The following LUC7L2 variants were observed in gnomAD, a reference collection of about 807,000 sequenced individuals.
LUC7L2 encodes putative RNA-binding protein Luc7-like 2.
Under a neutral mutation model 52.8 loss-of-function variants are expected in LUC7L2, and 25 were observed. The observed-to-expected ratio is 0.47, with a 90% CI of 0.34 to 0.66. The LOEUF (loss-of-function observed/expected upper bound fraction) is 0.66. Ranked by LOEUF, LUC7L2 falls within the 30% of genes least tolerant of loss-of-function variation. The pLI is 0.01. For synonymous variants in LUC7L2, 144 were observed against 160.9 expected, an observed-to-expected ratio of 0.89 and a Z score of 0.80; for missense variants, 328 against 497.8, an observed-to-expected ratio of 0.66 and a Z score of 3.25.
intron 9 of LUC7L2, among the ~76,000 whole-genome samples, chr7:139,419,933 T>C (rs1183619879): frequency 1.3e-5 from 2 of 152,252 alleles, no homozygotes; most frequent in African/African-American, 4.8e-5. Flanking sequence ...CTACTTGGTA[T>C]TTCATACAAC....
In LUC7L2 at chr7:139,422,282, C is replaced by T. The variant is rs1429749678; in HGVS notation, c.1121C>T (p.Ala374Val). 1.2e-6 allele frequency: 2 copies of T among 1,614,060 alleles called. No homozygotes were observed. The highest frequency in any genetic ancestry group is 1.3e-5 in the African/African-American group (1 of 74,940). The stretch of plus-strand genomic sequence containing the variant: ...GATAAGAAGCGGTCCTATGAGAGTG[C>T]TAATGGCAGATCAGAAGACAGGAGG... ...RKDKKRSYES[A>V]NGRSEDRRSS... is the part of the protein sequence containing the mutation. The change falls in exon 10 of 10, where the codon GCT (alanine) becomes GTT (valine). Residue 374 changes from alanine (A) to valine (V), a missense_variant. Ala to Val is a moderately conservative substitution (Grantham distance 64). Around this residue, in one of 2 missense-constraint regions of LUC7L2, gnomAD observed 195 missense variants for 223.3 expected, o/e 0.87. Coordinates refer to ENST00000354926, the MANE Select transcript of LUC7L2 (RefSeq NM_016019.5).
chr7:139,417,878 A>G (rs1795697619), intron 9 of LUC7L2, 149 bp downstream of exon 9: 1 of 1,164,224 alleles, frequency 8.6e-7, no homozygotes, highest in African/African-American at 1.6e-5. Context: ...TGGGTGTACA[A>G]CATTTTTCTG....
At chr7:139,378,400 C>T (rs1800827226) in intron 2 of LUC7L2, among the ~76,000 whole-genome samples, 1 of 151,878 alleles carries the variant, frequency 6.6e-6, no homozygotes. Context: ...GAAACCCCAT[C>T]TCTACAAAAA....
At chr7:139,398,329 C>T (rs1794749656) in intron 2 of LUC7L2, among the ~76,000 whole-genome samples, 1 of 152,094 alleles carries the variant, frequency 6.6e-6, no homozygotes, top group African/African-American at 2.4e-5. Context: ...TAGAAGCTAG[C>T]TTTTTTCAGA....
At chr7:139,404,269 T>C (rs1372748766) in intron 4 of LUC7L2, among the ~76,000 whole-genome samples, 1 of 152,070 alleles carries the variant, frequency 6.6e-6, no homozygotes, top group Non-Finnish European at 1.5e-5. Context: ...CAGCACTTTG[T>C]GAGGCCAAGG....
Position 139,412,717 on chromosome 7 carries a change from A to G in LUC7L2, c.809+137A>G, listed in dbSNP as rs1037414955. On this transcript the variant is annotated intron_variant, in intron 8 of 9. Transcript: ENST00000354926. ...GTGATGCATGCTTGTAATCCCAGCT[A>G]CTCAAGAGGCTGAGGCAGAATTGCT... 8 of 1,041,164 alleles carry G rather than the reference A, an allele frequency of 7.7e-6. No homozygotes were observed. The African/African-American group carries it at 9.9e-5, about 13-fold the overall frequency. The allele number at this position is 1,041,164 out of a possible 1,614,324, so 64.5% of individuals were successfully genotyped here.
At chr7:139,396,369 G>T (rs2131269799) in intron 2 of LUC7L2, among the ~76,000 whole-genome samples, 1 of 152,202 alleles carries the variant, frequency 6.6e-6, no homozygotes, top group Admixed American at 6.5e-5. Flanking sequence ...GCTTGAGCTG[G>T]GAGGTGGAGG....
chr7:139,417,864 TGTGTGG>T, intron 9 of LUC7L2, 135 bp downstream of exon 9: 7 of 1,225,128 alleles, frequency 5.7e-6, no homozygotes, highest in Non-Finnish European at 7.7e-6. Flanking sequence ...TACACATTTA[TGTGTGG>T]GTGTACAACA....
intron 2 of LUC7L2, among the ~76,000 whole-genome samples, chr7:139,384,388 C>G (rs1224082696): frequency 6.6e-6 from 1 of 152,088 alleles, no homozygotes; most frequent in Admixed American, 6.6e-5. Context: ...GCCTCAGCCT[C>G]CCGAGTAGCT....
At chr7:139,402,104 C>A in intron 3 of LUC7L2, 33 bp from the exon 4 acceptor site, 1 of 1,543,662 alleles carries the variant, frequency 6.5e-7, no homozygotes, top group South Asian at 1.2e-5. Context: ...AATTGACTTT[C>A]TGACAGTAAT....
chr7:139,395,928 A>T (rs1189364069), intron 2 of LUC7L2, among the ~76,000 whole-genome samples: 1 of 152,324 alleles, frequency 6.6e-6, no homozygotes, highest in Admixed American at 6.5e-5. Flanking sequence ...GATTATAGGC[A>T]TTAGCCACTG....
At chr7:139,376,807 G>C (rs952751997) in intron 2 of LUC7L2, among the ~76,000 whole-genome samples, 8 of 152,182 alleles carry the variant, frequency 5.3e-5, no homozygotes, top group African/African-American at 1.9e-4. Context: ...TCCCTTCATA[G>C]TTGCATCTGA....
intron 2 of LUC7L2, among the ~76,000 whole-genome samples, chr7:139,395,805 TA>T (rs1794635047): frequency 6.6e-6 from 1 of 152,068 alleles, no homozygotes. Flanking sequence ...CATGCCTGGA[TA>T]ATTTTTTTCT....
At chr7:139,386,329 A>G (rs1794190456) in intron 2 of LUC7L2, among the ~76,000 whole-genome samples, 1 of 151,848 alleles carries the variant, frequency 6.6e-6, no homozygotes, top group Admixed American at 6.6e-5. Context: ...CAGGCGATTA[A>G]CCACAAACAT....
intron 8 of LUC7L2, chr7:139,416,412 G>A (rs763849520): frequency 2.0e-4 from 30 of 151,924 alleles, no homozygotes; most frequent in Non-Finnish European, 3.7e-4. Context: ...TTTTCAGAAT[G>A]TTTTTCGTTC....
At chr7:139,383,406 A>T (rs2096115633) in intron 2 of LUC7L2, among the ~76,000 whole-genome samples, 1 of 131,624 alleles carries the variant, frequency 7.6e-6, no homozygotes, top group African/African-American at 2.9e-5. Context: ...GCTTTATTGG[A>T]TTTATTTATT....
At chr7:139,362,509 A>G (rs1799939733) in intron 1 of LUC7L2, among the ~76,000 whole-genome samples, 1 of 152,170 alleles carries the variant, frequency 6.6e-6, no homozygotes, top group Non-Finnish European at 1.5e-5. Flanking sequence ...ACACACAAAC[A>G]GCCTATGGGA....
At chr7:139,356,267 A>G (rs1459675919), upstream of LUC7L2, among the ~76,000 whole-genome samples, 1 of 145,838 alleles carries the variant, frequency 6.9e-6, no homozygotes, top group Admixed American at 7.5e-5. Context: ...CCAAGGCGAG[A>G]TCTCGCCACT....
intron 2 of LUC7L2, among the ~76,000 whole-genome samples, chr7:139,389,457 C>T (rs1190606819): frequency 6.6e-6 from 1 of 151,910 alleles, no homozygotes; most frequent in Non-Finnish European, 1.5e-5. Context: ...TTTATTTTCC[C>T]GATAGGAAAT....
Sources: allele counts gnomAD v4.1 joint callset (sites outside exome capture counted in the v4.1 genomes callset), GRCh38; gene constraint gnomAD v4.1.1; regional missense constraint gnomAD v4.1.1; transcripts MANE v1.5; gene names NCBI Gene and HGNC (gene_info 2026-07-23, HGNC 2026-07-21).